The following AIG1 variants were observed in gnomAD, a reference collection of about 807,000 sequenced individuals.
AIG1 encodes androgen-induced gene 1 protein.
Under a neutral mutation model 31.4 loss-of-function variants are expected in AIG1, and 23 were observed. That is an observed-to-expected ratio of 0.73 (90% CI 0.53 to 1.04). AIG1 has a LOEUF of 1.04. AIG1 is among the 50% of genes least tolerant of loss of function. The probability of loss-of-function intolerance (pLI) is 0.00; values close to 1 mark genes in which losing one functional copy is unlikely to be tolerated. For missense variants in AIG1, 274 were observed against 295.0 expected (o/e 0.93, Z 0.52); for synonymous variants, 100 against 110.5 (o/e 0.90, Z 0.60).
At chr6:143,244,066 C>G (rs1276418810) in intron 3 of AIG1, among the ~76,000 whole-genome samples, 1 of 152,164 alleles carries the variant, frequency 6.6e-6, no homozygotes, top group Non-Finnish European at 1.5e-5. Context: ...ATGACACCTG[C>G]CCTCAAATAG....
At chr6:143,250,814 C>T (rs988028120) in intron 3 of AIG1, among the ~76,000 whole-genome samples, 9 of 152,198 alleles carry the variant, frequency 5.9e-5, no homozygotes, top group Admixed American at 1.3e-4. Flanking sequence ...AATATTATGA[C>T]GGGTTGTTTT....
intron 1 of AIG1, among the ~76,000 whole-genome samples, chr6:143,074,677 T>G (rs1044682869): frequency 6.6e-6 from 1 of 152,234 alleles, no homozygotes; most frequent in Non-Finnish European, 1.5e-5. Flanking sequence ...GTGCGATGAT[T>G]TTTGACTCGA....
intron 3 of AIG1, among the ~76,000 whole-genome samples, chr6:143,217,376 G>A (rs1792111994): frequency 6.6e-6 from 1 of 152,186 alleles, no homozygotes; most frequent in Non-Finnish European, 1.5e-5. Flanking sequence ...TTGAGGGATG[G>A]AAGTCTGCCT....
intron 3 of AIG1, among the ~76,000 whole-genome samples, chr6:143,172,492 A>G (rs577069850): frequency 1.3e-5 from 2 of 152,252 alleles, no homozygotes; most frequent in East Asian, 1.9e-4. Context: ...GGATTTTTGC[A>G]TCTATGTTCA....
rs1358798402 is a variant in AIG1 at position 143,333,625 on chromosome 6, G to C, written c.679+180G>C. On this transcript the variant is annotated intron_variant, in intron 5 of 5. Transcript: ENST00000357847. The surrounding 1 kb of genome is among the most constrained non-coding windows in gnomAD (Gnocchi z 4.6). ...AAGAGCTGCTGACAGTTACCTGAAA[G>C]TTTTACTAGTCACTTGGTCTTGTTA... 2.0e-5 allele frequency among the ~76,000 whole-genome samples: 3 copies of C among 152,108 alleles called. No individual in the cohort carries two copies. In the East Asian group the frequency reaches 5.8e-4, roughly 29 times the overall value.
intron 4 of AIG1, among the ~76,000 whole-genome samples, chr6:143,304,538 G>A (rs1460781534): frequency 2.0e-5 from 3 of 152,138 alleles, no homozygotes; most frequent in South Asian, 2.1e-4. Flanking sequence ...TTATTGATTT[G>A]TGTATATTGA....
intron 3 of AIG1, among the ~76,000 whole-genome samples, chr6:143,173,825 A>C (rs1332662892): frequency 1.3e-5 from 2 of 152,214 alleles, no homozygotes; most frequent in African/African-American, 4.8e-5. Flanking sequence ...ATCTTGGAGA[A>C]TATTTCATGT....
intron 3 of AIG1, among the ~76,000 whole-genome samples, chr6:143,247,468 G>T (rs1465934308): frequency 6.6e-6 from 1 of 152,110 alleles, no homozygotes; most frequent in Non-Finnish European, 1.5e-5. Context: ...GTTATTTCTG[G>T]AGGCAGAACT....
At chr6:143,253,925 A>G (rs1440897043) in intron 3 of AIG1, among the ~76,000 whole-genome samples, 2 of 152,148 alleles carry the variant, frequency 1.3e-5, no homozygotes, top group African/African-American at 4.8e-5. Flanking sequence ...TGGCAGTAGA[A>G]ATTCTTTTGA....
At chr6:143,133,198 A>C (rs1156285996) in intron 1 of AIG1, among the ~76,000 whole-genome samples, 1 of 152,142 alleles carries the variant, frequency 6.6e-6, no homozygotes, top group African/African-American at 2.4e-5. Context: ...TAGGCATTTA[A>C]ACTACTTGTA....
At chr6:143,341,608 G>T (rs1156769272), downstream of AIG1, among the ~76,000 whole-genome samples, 1 of 152,178 alleles carries the variant, frequency 6.6e-6, no homozygotes, top group Non-Finnish European at 1.5e-5. Context: ...ATGGGAAGAA[G>T]GTTGCCAACT....
At chr6:143,276,906 G>C (rs1796962190) in intron 3 of AIG1, among the ~76,000 whole-genome samples, 1 of 152,172 alleles carries the variant, frequency 6.6e-6, no homozygotes, top group Non-Finnish European at 1.5e-5. Context: ...TTGAAGAGGA[G>C]AAACATCTCA....
chr6:143,174,007 G>A (rs1002798639), intron 3 of AIG1, among the ~76,000 whole-genome samples: 1 of 152,094 alleles, frequency 6.6e-6, no homozygotes, highest in African/African-American at 2.4e-5. Context: ...CACTATTATT[G>A]TGTTGTTGTC....
chr6:143,301,437 T>C (rs1798818109), intron 4 of AIG1, among the ~76,000 whole-genome samples: 1 of 152,218 alleles, frequency 6.6e-6, no homozygotes, highest in African/African-American at 2.4e-5. Flanking sequence ...CCTTGGCAGC[T>C]TACACGTGGT....
At chr6:143,312,743 A>G (rs1775400067) in intron 4 of AIG1, among the ~76,000 whole-genome samples, 1 of 152,140 alleles carries the variant, frequency 6.6e-6, no homozygotes, top group Non-Finnish European at 1.5e-5. Flanking sequence ...TGCACAACAA[A>G]GGAAACCATC....
Position 143,301,931 on chromosome 6 carries a change from A to G in AIG1, c.515+17706A>G, listed in dbSNP as rs569836087. Among the ~76,000 whole-genome samples, 190 of 152,338 alleles carry G rather than the reference A, an allele frequency of 1.2e-3. No homozygotes were observed. In the Middle Eastern group the frequency reaches 0.027, roughly 22 times the overall value. On this transcript the variant is annotated intron_variant, in intron 4 of 5. Transcript: ENST00000357847. ...ACAAGGCAAGGCATGATGTCTACCA[A>G]GGTTTTCTTTTAAGCAGCTGTCCGC...
At position 143,333,340 on chromosome 6, in the gene AIG1, G is replaced by A. The variant is rs758967274; in HGVS notation, c.574G>A (p.Gly192Ser). Reference sequence around the variant, plus strand: ...GGTGTACCCTTTCCTGGAACACATTGGCCCAGGAGCCAGAATCATCTTCTT... The same window carrying A: ...GGTGTACCCTTTCCTGGAACACATTAGCCCAGGAGCCAGAATCATCTTCTT... The part of the protein sequence containing the change: ...MWVYPFLEHI[G>S]PGARIIFFGS... Residue 192 changes from glycine (G) to serine (S), a missense_variant, in exon 5 of 6, where the codon GGC becomes AGC. Gly to Ser is a moderately conservative substitution (Grantham distance 56, BLOSUM62 0). This residue lies in a region of AIG1 where 31 missense variants were observed against 56.5 expected (regional missense o/e 0.55). Coordinates refer to ENST00000357847, the MANE Select transcript of AIG1 (RefSeq NM_016108.4). The surrounding 1 kb of genome is among the most constrained non-coding windows in gnomAD (Gnocchi z 4.6). 6.2e-7 allele frequency: 1 copy of A among 1,613,798 alleles called. No individual in the cohort carries two copies. The highest frequency in any genetic ancestry group is 1.7e-5 in the Admixed American group (1 of 59,986).
At chr6:143,294,281 C>G (rs917366359) in intron 4 of AIG1, among the ~76,000 whole-genome samples, 2 of 152,138 alleles carry the variant, frequency 1.3e-5, no homozygotes, top group African/African-American at 4.8e-5. Flanking sequence ...TGGACCAGCC[C>G]CTGTACATCT....
chr6:143,191,260 T>C (rs915256297), intron 3 of AIG1, among the ~76,000 whole-genome samples: 3 of 152,128 alleles, frequency 2.0e-5, no homozygotes, highest in African/African-American at 7.2e-5. Context: ...ACTGGCATCA[T>C]CTCAAGATTC....
Sources: allele counts gnomAD v4.1 joint callset (sites outside exome capture counted in the v4.1 genomes callset), GRCh38; gene constraint gnomAD v4.1.1; regional missense constraint gnomAD v4.1.1; non-coding constraint Gnocchi (gnomAD v3.1); transcripts MANE v1.5; gene names NCBI Gene and HGNC (gene_info 2026-07-23, HGNC 2026-07-21).